Variants in NTRK2 observed in about 807,000 individuals in gnomAD.
NTRK2 encodes BDNF/NT-3 growth factors receptor.
NTRK2 carries 13 observed loss-of-function variants against 94.5 expected under a neutral mutation model. The ratio of observed to expected loss-of-function variants is 0.14; its 90% CI spans 0.09 to 0.22. The LOEUF (loss-of-function observed/expected upper bound fraction) is 0.22, where lower values mean the gene tolerates loss of function less well. Among genes scored for constraint, NTRK2 ranks in the 10% least tolerant of loss-of-function variants. The pLI is 1.00. For missense variants in NTRK2, 639 were observed against 1,071.2 expected (o/e 0.60, Z 5.63); for synonymous variants, 372 against 407.4 (o/e 0.91, Z 1.05).
chr9:84,669,672 G>A (rs1169407063), upstream of NTRK2: 1 of 153,004 alleles, frequency 6.5e-6, no homozygotes, highest in African/African-American at 2.4e-5. This position sits in a 1 kb window ranked among gnomAD's most constrained non-coding sequence, Gnocchi z 4.1. Context: ...TGTGTTTTTG[G>A]ATTTCAGACT....
At chr9:84,722,184 T>G (rs1002194631) in intron 6 of NTRK2, among the ~76,000 whole-genome samples, 6 of 139,074 alleles carry the variant, frequency 4.3e-5, no homozygotes, top group African/African-American at 1.6e-4. Flanking sequence ...TTTTTTTTTT[T>G]GAAACCCCAT....
intron 14 of NTRK2, among the ~76,000 whole-genome samples, chr9:84,902,411 C>T (rs1281807764): frequency 6.6e-6 from 1 of 152,026 alleles, no homozygotes; most frequent in Admixed American, 6.6e-5. Context: ...ATTTGTTTCA[C>T]AACACTTCAG....
intron 12 of NTRK2, among the ~76,000 whole-genome samples, chr9:84,763,830 ATT>A (rs58194416): frequency 1.9e-4 from 28 of 146,008 alleles, no homozygotes; most frequent in African/African-American, 7.0e-4. Context: ...CATGCGTTGC[ATT>A]TTTTTTTTTT....
Position 85,024,416 on chromosome 9 carries a change from C to A in NTRK2, c.*2979C>A, listed in dbSNP as rs1205218025. 1 of 232,920 alleles carries A rather than the reference C, an allele frequency of 4.3e-6. No individual in the cohort carries two copies. The highest frequency in any genetic ancestry group is 8.5e-6 in the Non-Finnish European group (1 of 117,908). 14.4% of individuals were successfully genotyped at this position (232,920 alleles called of 1,614,324 possible). ...CCCAAACCTGGTCTGACAATCATTTCCATTTAGAAGTCATTGAATAGTTTT... is the reference window on the plus strand; with the variant it reads ...CCCAAACCTGGTCTGACAATCATTTACATTTAGAAGTCATTGAATAGTTTT... On this transcript the variant is annotated 3_prime_UTR_variant, in exon 19 of 19. Coordinates refer to ENST00000277120, the MANE Select transcript of NTRK2 (RefSeq NM_006180.6).
intron 14 of NTRK2, among the ~76,000 whole-genome samples, chr9:84,933,468 C>G (rs1310218994): frequency 1.3e-5 from 2 of 152,220 alleles, no homozygotes; most frequent in Non-Finnish European, 2.9e-5. Context: ...GAGGAACATT[C>G]TCTTGTCCTG....
chr9:84,786,036 C>A (rs909105137), intron 12 of NTRK2, among the ~76,000 whole-genome samples: 6 of 152,132 alleles, frequency 3.9e-5, no homozygotes, highest in African/African-American at 1.2e-4. Context: ...CCTGGGAATT[C>A]CAAAAGTCGC....
chr9:84,975,183 AC>A (rs1826674752), intron 17 of NTRK2, among the ~76,000 whole-genome samples: 1 of 152,002 alleles, frequency 6.6e-6, no homozygotes, highest in Admixed American at 6.5e-5. Context: ...AGACATTCTC[AC>A]CCTGGGACTC....
chr9:84,778,768 C>T (rs773221837), intron 12 of NTRK2, among the ~76,000 whole-genome samples: 6 of 152,168 alleles, frequency 3.9e-5, no homozygotes, highest in Admixed American at 1.3e-4. Context: ...GTGCAGTTCC[C>T]GCTGGTGGAC....
At chr9:84,871,016 A>G (rs2075844793) in intron 14 of NTRK2, among the ~76,000 whole-genome samples, 2 of 152,244 alleles carry the variant, frequency 1.3e-5, no homozygotes, top group South Asian at 2.1e-4. Flanking sequence ...AAGACGATTC[A>G]TTACATATTT....
At chr9:84,856,538 A>G (rs73474482) in intron 12 of NTRK2, among the ~76,000 whole-genome samples, 5,609 of 152,140 alleles carry the variant, frequency 0.037, 343 homozygotes, top group African/African-American at 0.13. Context: ...GTGACAGTTC[A>G]TTGGCTACTC....
intron 12 of NTRK2, among the ~76,000 whole-genome samples, chr9:84,829,864 T>G (rs1019186306): frequency 6.6e-6 from 1 of 152,230 alleles, no homozygotes; most frequent in Non-Finnish European, 1.5e-5. Flanking sequence ...CCACAAGGGA[T>G]AGCAAAGATT....
At chr9:84,677,696 A>G (rs2059145857) in intron 2 of NTRK2, among the ~76,000 whole-genome samples, 2 of 152,118 alleles carry the variant, frequency 1.3e-5, no homozygotes, top group African/African-American at 4.8e-5. Context: ...TTGGTGCCCA[A>G]ATTTGACCTC....
At chr9:84,816,905 ATATGATAATTTGGAGTGGCAGGCAT>A (rs2072457975) in intron 12 of NTRK2, among the ~76,000 whole-genome samples, 1 of 152,194 alleles carries the variant, frequency 6.6e-6, no homozygotes, top group South Asian at 2.1e-4. Flanking sequence ...TCTGAAGGTC[ATATGATAATTTGGAGTGGCAGGCAT>A]TTGTCACAGA....
rs1217645444 is a variant in NTRK2 at position 85,016,788 on chromosome 9, A to G, written c.2173-3418A>G. ...TGAACCCTGTCTGAACTTTTATTAG[A>G]TTGTCCCACCACTCACCCATTTGAC... On this transcript the variant is annotated intron_variant, in intron 17 of 18. Transcript: ENST00000277120. Among the ~76,000 whole-genome samples the G allele has an allele frequency of 3.3e-5, 5 of 152,232 alleles. No homozygotes were observed. The East Asian group carries it at 9.7e-4, about 29-fold the overall frequency.
At chr9:84,729,833 T>A (rs2062716226) in intron 9 of NTRK2, among the ~76,000 whole-genome samples, 1 of 152,214 alleles carries the variant, frequency 6.6e-6, no homozygotes, top group Admixed American at 6.5e-5. Context: ...ACTGTTGGTG[T>A]AAAGCCAGTA....
chr9:84,909,091 A>G (rs1342956090), intron 14 of NTRK2, among the ~76,000 whole-genome samples: 1 of 152,060 alleles, frequency 6.6e-6, no homozygotes, highest in Non-Finnish European at 1.5e-5. Flanking sequence ...TTTCCTCCCC[A>G]TTCATAAACC....
At chr9:84,878,857 C>T (rs559174266) in intron 14 of NTRK2, among the ~76,000 whole-genome samples, 2 of 152,122 alleles carry the variant, frequency 1.3e-5, no homozygotes, top group African/African-American at 2.4e-5. Context: ...CTTTGCAAAG[C>T]TGTTATGTGT....
intron 12 of NTRK2, among the ~76,000 whole-genome samples, chr9:84,777,761 A>G (rs530381168): frequency 6.6e-6 from 1 of 152,344 alleles, no homozygotes; most frequent in African/African-American, 2.4e-5. Flanking sequence ...AAGCCATTGC[A>G]AAACAGTCAT....
intron 12 of NTRK2, among the ~76,000 whole-genome samples, chr9:84,847,863 A>G (rs1254453730): frequency 6.6e-6 from 1 of 152,166 alleles, no homozygotes; most frequent in Non-Finnish European, 1.5e-5. Context: ...ATAGACAAAT[A>G]AACTATATTA....
Sources: allele counts gnomAD v4.1 joint callset (sites outside exome capture counted in the v4.1 genomes callset), GRCh38; gene constraint gnomAD v4.1.1; non-coding constraint Gnocchi (gnomAD v3.1); transcripts MANE v1.5; gene names NCBI Gene and HGNC (gene_info 2026-07-23, HGNC 2026-07-21).